RBFOX1: variants seen among roughly 807,000 people sequenced by gnomAD.
RBFOX1 encodes the protein RNA binding protein fox-1 homolog 1.
RBFOX1 carries 8 observed loss-of-function variants against 57.7 expected under a neutral mutation model. The observed-to-expected ratio is 0.14, with a 90% CI of 0.08 to 0.25. RBFOX1 has a LOEUF of 0.25. Among genes scored for constraint, RBFOX1 ranks in the 10% least tolerant of loss-of-function variants. RBFOX1 has a pLI of 1.00. For missense variants in RBFOX1, 611 were observed against 548.5 expected (o/e 1.11, Z -1.14); for synonymous variants, 326 against 222.4 (o/e 1.47, Z -4.15).
At chr16:6,507,635 C>A (rs1482580865) in intron 2 of RBFOX1, among the ~76,000 whole-genome samples, 1 of 152,082 alleles carries the variant, frequency 6.6e-6, no homozygotes, top group Non-Finnish European at 1.5e-5. Flanking sequence ...TGCACCACTG[C>A]ACTCCAGCCT....
chr16:7,118,554 C>T (rs186911723), intron 4 of RBFOX1, among the ~76,000 whole-genome samples: 7 of 152,236 alleles, frequency 4.6e-5, no homozygotes, highest in South Asian at 2.1e-4. Flanking sequence ...AAGCAAAAGC[C>T]ACCTGTGCCC....
At chr16:6,699,758 G>A (rs2061553390) in intron 3 of RBFOX1, among the ~76,000 whole-genome samples, 2 of 152,094 alleles carry the variant, frequency 1.3e-5, no homozygotes, top group African/African-American at 4.8e-5. Context: ...TATGATCAAG[G>A]TGGGATAATG....
chr16:6,796,346 C>G (rs1603625411), intron 3 of RBFOX1, among the ~76,000 whole-genome samples: 1 of 152,108 alleles, frequency 6.6e-6, no homozygotes, highest in Non-Finnish European at 1.5e-5. Flanking sequence ...TGAGTGGGTA[C>G]ACAGCCAAAC....
At chr16:6,323,143 C>T (rs1042187138) in intron 2 of RBFOX1, among the ~76,000 whole-genome samples, 3 of 152,080 alleles carry the variant, frequency 2.0e-5, no homozygotes, top group African/African-American at 7.2e-5. Flanking sequence ...AGAGAAAAGA[C>T]AGAGAGCTAA....
intron 14 of RBFOX1, among the ~76,000 whole-genome samples, chr16:7,707,289 C>T (rs536691761): frequency 2.0e-5 from 3 of 152,126 alleles, no homozygotes; most frequent in Non-Finnish European, 4.4e-5. Flanking sequence ...GGTCCATCAT[C>T]ACGCTTTCTT....
At chr16:7,352,445 C>G (rs1463920764) in intron 4 of RBFOX1, among the ~76,000 whole-genome samples, 1 of 152,156 alleles carries the variant, frequency 6.6e-6, no homozygotes, top group Non-Finnish European at 1.5e-5. Flanking sequence ...TTGCCTTACT[C>G]AGGTGAATGT....
chr16:6,847,576 G>A (rs1034060237), intron 3 of RBFOX1, among the ~76,000 whole-genome samples: 3 of 151,766 alleles, frequency 2.0e-5, no homozygotes, highest in African/African-American at 7.3e-5. Flanking sequence ...ATGGTCAGTC[G>A]CTGAAAAGTT....
intron 2 of RBFOX1, among the ~76,000 whole-genome samples, chr16:5,563,050 A>G (rs2045943763): frequency 6.6e-6 from 1 of 152,100 alleles, no homozygotes; most frequent in South Asian, 2.1e-4. Flanking sequence ...CCCAGGTTCA[A>G]GTGATTGTTC....
intron 4 of RBFOX1, among the ~76,000 whole-genome samples, chr16:7,345,309 A>C (rs978112668): frequency 2.0e-5 from 3 of 151,876 alleles, no homozygotes; most frequent in Non-Finnish European, 4.4e-5. Context: ...CAGTGTAAAC[A>C]CTGAGGGGCC....
At chr16:7,248,863 A>T (rs7194774) in intron 4 of RBFOX1, among the ~76,000 whole-genome samples, 11 of 152,180 alleles carry the variant, frequency 7.2e-5, no homozygotes, top group Non-Finnish European at 1.6e-4. Context: ...CTGTATGTAT[A>T]TCCTACCTAT....
intron 4 of RBFOX1, among the ~76,000 whole-genome samples, chr16:7,314,733 A>G (rs547864607): frequency 1.1e-4 from 16 of 152,318 alleles, no homozygotes; most frequent in African/African-American, 3.8e-4. Flanking sequence ...ATCAAAAACA[A>G]CAGGCAGGGG....
intron 4 of RBFOX1, among the ~76,000 whole-genome samples, chr16:7,324,382 A>G (rs1045309597): frequency 6.6e-6 from 1 of 150,398 alleles, no homozygotes; most frequent in Non-Finnish European, 1.5e-5. Flanking sequence ...GTCCTGGAGC[A>G]CAGAAGGCAG....
intron 1 of RBFOX1, among the ~76,000 whole-genome samples, chr16:5,286,951 G>A (rs2063410173): frequency 6.6e-6 from 1 of 152,152 alleles, no homozygotes; most frequent in Admixed American, 6.5e-5. Context: ...CTGGGGCTGG[G>A]CCAACTTTTT....
At chr16:7,184,168 C>G (rs1183942560) in intron 4 of RBFOX1, among the ~76,000 whole-genome samples, 1 of 152,128 alleles carries the variant, frequency 6.6e-6, no homozygotes, top group Non-Finnish European at 1.5e-5. Context: ...AAGAGTAGCA[C>G]AGGGCTGGAA....
chr16:6,698,937 CG>C (rs1411357318), intron 3 of RBFOX1, among the ~76,000 whole-genome samples: 1 of 152,068 alleles, frequency 6.6e-6, no homozygotes, highest in Non-Finnish European at 1.5e-5. Flanking sequence ...GTGTCCATAG[CG>C]TACGAAGACT....
At position 6,961,238 on chromosome 16, in the gene RBFOX1, C is replaced by T. The variant is rs189629295; in HGVS notation, c.-15-90819C>T. 1.8e-4 allele frequency among the ~76,000 whole-genome samples: 28 copies of T among 152,194 alleles called. 1 individual carries two copies. The East Asian group carries it at 5.0e-3, about 27-fold the overall frequency. On this transcript the variant is annotated intron_variant, in intron 3 of 15. Coordinates refer to ENST00000550418, the MANE Select transcript of RBFOX1 (RefSeq NM_018723.4). ...AAGCTGATAGGATGTCCCTGAGCTGCTGATGGCCATTTTCTCAGAACCTGG... is the reference window on the plus strand; with the variant it reads ...AAGCTGATAGGATGTCCCTGAGCTGTTGATGGCCATTTTCTCAGAACCTGG...
chr16:6,692,472 C>T (rs1472587431), intron 3 of RBFOX1, among the ~76,000 whole-genome samples: 2 of 152,180 alleles, frequency 1.3e-5, no homozygotes, highest in African/African-American at 4.8e-5. Flanking sequence ...TGTTTAACTA[C>T]TTTCCGTGAC....
intron 3 of RBFOX1, among the ~76,000 whole-genome samples, chr16:6,780,558 ATATT>A (rs1211994423): frequency 4.3e-4 from 47 of 110,288 alleles, no homozygotes; most frequent in African/African-American, 2.2e-3. Flanking sequence ...ATATATTTAC[ATATT>A]TATATATATT....
At chr16:6,658,619 T>G (rs1196745196) in intron 3 of RBFOX1, among the ~76,000 whole-genome samples, 1 of 152,166 alleles carries the variant, frequency 6.6e-6, no homozygotes, top group Non-Finnish European at 1.5e-5. Context: ...CTCTCCTGTT[T>G]TTCTATTTTT....
Sources: allele counts gnomAD v4.1 joint callset (sites outside exome capture counted in the v4.1 genomes callset), GRCh38; gene constraint gnomAD v4.1.1; transcripts MANE v1.5; gene names NCBI Gene and HGNC (gene_info 2026-07-23, HGNC 2026-07-21).